Variants in ZCRB1 observed in about 807,000 individuals in gnomAD.
ZCRB1 encodes zinc finger CCHC-type and RNA-binding motif-containing protein 1.
In ZCRB1, 21 loss-of-function variants were observed where a neutral mutation model predicts 29.9. That is an observed-to-expected ratio of 0.70 (90% confidence interval 0.50 to 1.01). ZCRB1 has a LOEUF of 1.01. Ranked by LOEUF, ZCRB1 falls within the 50% of genes least tolerant of loss-of-function variation. ZCRB1 has a pLI of 0.00. For missense variants in ZCRB1, 204 were observed against 253.3 expected (o/e 0.81, Z 1.32); for synonymous variants, 77 against 80.0 (o/e 0.96, Z 0.20).
At position 42,325,921 on chromosome 12, in the gene ZCRB1, T is replaced by C. The variant is rs1047768810; in HGVS notation, c.-3+3A>G. ...AGAAGGCCGCAGCTGAGGAGGCGTTTACCTTCAGGTGGGTTGGGCCTGGGA... is the reference window on the plus strand; with the variant it reads ...AGAAGGCCGCAGCTGAGGAGGCGTTCACCTTCAGGTGGGTTGGGCCTGGGA... On this transcript the variant is annotated splice_donor_region_variant and intron_variant, in intron 1 of 7. Transcript: ENST00000266529. 5 of 152,374 alleles carry C rather than the reference T, an allele frequency of 3.3e-5. No individual in the cohort carries two copies. The highest frequency in any genetic ancestry group is 7.3e-5 in the Non-Finnish European group (5 of 68,164). 9.4% of individuals were successfully genotyped at this position (152,374 alleles called of 1,614,324 possible).
intron 1 of ZCRB1, among the ~76,000 whole-genome samples, chr12:42,324,589 A>C (rs11181421): frequency 0.27 from 41,749 of 152,196 alleles, 7,266 homozygotes; most frequent in Non-Finnish European, 0.38. Flanking sequence ...CCTTCCTTAC[A>C]TTTTAGGAAG....
intron 4 of ZCRB1, 114 bp from the exon 5 acceptor site, chr12:42,317,561 T>C (rs1239631815): frequency 2.1e-6 from 2 of 938,006 alleles, no homozygotes; most frequent in Non-Finnish European, 1.6e-6. Flanking sequence ...TTTTAGCAAT[T>C]GTCACTTAGG....
At chr12:42,323,691 G>C (rs1468117762) in intron 2 of ZCRB1, 1 of 247,592 alleles carries the variant, frequency 4.0e-6, no homozygotes, top group African/African-American at 2.3e-5. Context: ...GAGTGCAGTG[G>C]TGTGACCTTG....
intron 3 of ZCRB1, 98 bp from the exon 4 acceptor site, chr12:42,317,996 A>T: frequency 4.5e-6 from 4 of 892,166 alleles, no homozygotes; most frequent in Non-Finnish European, 6.8e-6. Context: ...AAAATTTATA[A>T]GATAAATTAA....
At chr12:42,314,186 CATTTAGGACT>C (rs756574758) in intron 5 of ZCRB1, among the ~76,000 whole-genome samples, 200 bp from the exon 6 acceptor site, 5 of 151,858 alleles carry the variant, frequency 3.3e-5, no homozygotes, top group Admixed American at 2.6e-4. Flanking sequence ...GTTATTTTAA[CATTTAGGACT>C]ATTTAGTAGT....
chr12:42,318,869 A>G (rs543559472), intron 3 of ZCRB1, among the ~76,000 whole-genome samples: 20 of 152,320 alleles, frequency 1.3e-4, no homozygotes, highest in African/African-American at 4.8e-4. Context: ...TTGAGCATCA[A>G]AATAATTCAT....
intron 3 of ZCRB1, among the ~76,000 whole-genome samples, chr12:42,319,008 G>A (rs192868885): frequency 1.4e-3 from 207 of 152,196 alleles, no homozygotes; most frequent in African/African-American, 4.7e-3. Context: ...GGGATGACTG[G>A]TGAATGTAGA....
chr12:42,320,520 C>A (rs1340208207), intron 3 of ZCRB1, among the ~76,000 whole-genome samples: 2 of 152,068 alleles, frequency 1.3e-5, no homozygotes, highest in African/African-American at 4.8e-5. Flanking sequence ...TTCACTGCAA[C>A]CTCCACCTCC....
In ZCRB1 at chr12:42,317,450, AAAC is replaced by A; in HGVS notation, c.226-6_226-4del. 1 of 1,580,334 alleles carries A rather than the reference AAAC, an allele frequency of 6.3e-7. No individual in the cohort carries two copies. Among genetic ancestry groups the A allele is most frequent in the Non-Finnish European group, 8.6e-7 (1 of 1,162,444 alleles). On this transcript the variant is annotated splice_region_variant and splice_polypyrimidine_tract_variant and intron_variant, in intron 4 of 7. Transcript: ENST00000266529. ...GCTTTTATCACTCTACCAAATAACT[AAAC>A]AAGAGAAAAATGTAAATGTAGAATG... is the stretch of plus-strand genomic sequence containing the variant.
intron 5 of ZCRB1, among the ~76,000 whole-genome samples, chr12:42,314,767 C>A (rs1307750709): frequency 1.3e-5 from 2 of 152,018 alleles, no homozygotes; most frequent in African/African-American, 4.8e-5. Context: ...GCCTGGCCAA[C>A]ATGGGGAAAC....
intron 2 of ZCRB1, among the ~76,000 whole-genome samples, chr12:42,323,223 G>A (rs1408991201): frequency 6.6e-6 from 1 of 152,178 alleles, no homozygotes; most frequent in Non-Finnish European, 1.5e-5. Flanking sequence ...GGATAGCAGT[G>A]TTAGCAACAC....
chr12:42,317,812 C>G lies in ZCRB1; in HGVS notation c.200G>C (p.Cys67Ser). 2.5e-6 allele frequency: 4 copies of G among 1,613,280 alleles called. No individual in the cohort carries two copies. Among genetic ancestry groups the G allele is most frequent in the Non-Finnish European group, 3.4e-6 (4 of 1,179,832 alleles). The change falls in exon 4 of 8, where the codon TGT becomes TCT. Residue 67 changes from cysteine to serine, a missense_variant. Physicochemically the swap from Cys to Ser is moderately radical, Grantham distance 112. Coordinates refer to ENST00000266529, the MANE Select transcript of ZCRB1 (RefSeq NM_033114.4). ...LFLDKDSAQN[C>S]TRAINNKQLF... ...CTGTTTGTTGTTTATTGCCCTGGTA[C>G]AGTTTTGTGCAGAGTCTTTATCCAA...
intron 1 of ZCRB1, among the ~76,000 whole-genome samples, chr12:42,324,921 TAC>T (rs1422578623): frequency 6.6e-6 from 1 of 152,256 alleles, no homozygotes; most frequent in East Asian, 1.9e-4. Flanking sequence ...TTTTTGCTAA[TAC>T]ACAGTCATGC....
chr12:42,315,667 A>T (rs566600667), intron 5 of ZCRB1, among the ~76,000 whole-genome samples: 19 of 152,320 alleles, frequency 1.2e-4, no homozygotes, highest in Admixed American at 1.1e-3. Context: ...TCCATAAACC[A>T]AAAGGAACCG....
At position 42,312,973 on chromosome 12, in the gene ZCRB1, T is replaced by G. The variant is rs574992095; in HGVS notation, c.*94A>C. ...TGGGATGACAATAATAGTATTAACA[T>G]GATAGTATTAATTTTTCTTATTTTT... On this transcript the variant is annotated 3_prime_UTR_variant, in exon 8 of 8. Transcript: ENST00000266529. The G allele has an allele frequency of 3.3e-5, 41 of 1,226,640 alleles. No homozygotes were observed. The East Asian group carries it at 8.4e-4, about 25-fold the overall frequency. 76.0% of individuals were successfully genotyped at this position (1,226,640 alleles called of 1,614,324 possible).
Position 42,317,875 on chromosome 12 carries a change from T to C in ZCRB1, c.137A>G (p.Asp46Gly). ...VVKVTIMKDK[D>G]TRKSKGVAFI... ...TGCAACCCCTTTACTCTTCCTGGTA[T>C]CTTTATCTTTCATGATGGTAACCCT... The change falls in exon 4 of 8, where the codon GAT (aspartate) becomes GGT (glycine). Residue 46 changes from aspartate (D) to glycine (G), a missense_variant. Transcript: ENST00000266529. 6.2e-7 allele frequency: 1 copy of C among 1,613,788 alleles called. No individual in the cohort carries two copies. Among genetic ancestry groups the C allele is most frequent in the Non-Finnish European group, 8.5e-7 (1 of 1,179,808 alleles).
chr12:42,323,250 G>A (rs550782145), intron 2 of ZCRB1, among the ~76,000 whole-genome samples: 1 of 152,292 alleles, frequency 6.6e-6, no homozygotes, highest in East Asian at 1.9e-4. Flanking sequence ...CTGAAGGCCA[G>A]TACAGTCTTC....
At chr12:42,320,795 G>A (rs1171494323) in intron 3 of ZCRB1, among the ~76,000 whole-genome samples, 1 of 152,088 alleles carries the variant, frequency 6.6e-6, no homozygotes, top group Non-Finnish European at 1.5e-5. Context: ...CATTAAGCCA[G>A]AATAAACTTT....
intron 5 of ZCRB1, among the ~76,000 whole-genome samples, chr12:42,316,750 C>T (rs566525498): frequency 2.6e-5 from 4 of 152,202 alleles, no homozygotes; most frequent in East Asian, 1.9e-4. Flanking sequence ...TTATGAGTTA[C>T]GAAAATCTTG....
Sources: allele counts gnomAD v4.1 joint callset (sites outside exome capture counted in the v4.1 genomes callset), GRCh38; gene constraint gnomAD v4.1.1; transcripts MANE v1.5; gene names NCBI Gene and HGNC (gene_info 2026-07-23, HGNC 2026-07-21).